Variants in VCL observed in about 807,000 individuals in gnomAD.
VCL encodes the protein epididymis luminal protein 114.
A neutral mutation model predicts 125.7 loss-of-function variants in VCL; 47 were observed. The ratio of observed to expected loss-of-function variants is 0.37; its 90% CI spans 0.30 to 0.48. The LOEUF (loss-of-function observed/expected upper bound fraction) is 0.48. Ranked by LOEUF, VCL falls within the 20% of genes least tolerant of loss-of-function variation. The probability of loss-of-function intolerance (pLI) is 0.99; values close to 1 mark genes in which losing one functional copy is unlikely to be tolerated. For synonymous variants in VCL, 458 were observed against 514.6 expected (o/e 0.89, Z 1.49); for missense variants, 1,069 against 1,455.5 (o/e 0.73, Z 4.32).
intron 2 of VCL, among the ~76,000 whole-genome samples, chr10:74,047,194 G>A (rs371550407): frequency 5.9e-5 from 9 of 152,292 alleles, no homozygotes; most frequent in African/African-American, 2.2e-4. Flanking sequence ...CACTTTGGGA[G>A]GCCGAGGTGG....
At chr10:74,000,404 C>CTTTGTTTG (rs369969980) in intron 1 of VCL, among the ~76,000 whole-genome samples, 30 of 151,444 alleles carry the variant, frequency 2.0e-4, no homozygotes, top group Non-Finnish European at 3.1e-4. Context: ...AGCTGAAGGC[C>CTTTGTTTG]TTTGTTTGTT....
chr10:74,011,447 C>T (rs1277186930), intron 1 of VCL, among the ~76,000 whole-genome samples: 1 of 152,122 alleles, frequency 6.6e-6, no homozygotes, highest in Non-Finnish European at 1.5e-5. Context: ...TAGGGTGTCT[C>T]CCTTTAGACT....
chr10:74,007,785 T>G (rs561999780), intron 1 of VCL, among the ~76,000 whole-genome samples: 2 of 151,696 alleles, frequency 1.3e-5, no homozygotes, highest in East Asian at 3.9e-4. Flanking sequence ...CATGAGCCGC[T>G]GCGCTCAGCC....
Position 74,071,137 on chromosome 10 carries a change from C to A in VCL, c.499+54C>A. On this transcript the variant is annotated intron_variant, in intron 4 of 21. Coordinates refer to ENST00000211998, the MANE Select transcript of VCL (RefSeq NM_014000.3). The surrounding 1 kb of genome is among the most constrained non-coding windows in gnomAD (Gnocchi z 4.1). ...TTTTAAGGATTGTCCATGTTGGAGC[C>A]AAAGGAAAGGGTACCCTCTTCCTAC... 1 of 1,555,984 alleles carries A rather than the reference C, an allele frequency of 6.4e-7. No individual in the cohort carries two copies. The highest frequency in any genetic ancestry group is 8.9e-7 in the Non-Finnish European group (1 of 1,128,046).
intron 1 of VCL, among the ~76,000 whole-genome samples, chr10:74,031,422 C>T (rs1349880068): frequency 7.2e-5 from 11 of 152,154 alleles, no homozygotes; most frequent in Admixed American, 2.6e-4. Context: ...AAAAAAATGA[C>T]GACCTTTTCT....
At chr10:74,042,983 G>C (rs1345501149) in intron 1 of VCL, 100 bp from the exon 2 acceptor site, 1 of 1,215,292 alleles carries the variant, frequency 8.2e-7, no homozygotes, top group African/African-American at 1.5e-5. Flanking sequence ...AAACTTTAAT[G>C]ATAGATTATG....
At chr10:74,105,974 A>G (rs1314923886) in intron 16 of VCL, among the ~76,000 whole-genome samples, 1 of 139,714 alleles carries the variant, frequency 7.2e-6, no homozygotes, top group Non-Finnish European at 1.5e-5. Flanking sequence ...CTGGAGTACA[A>G]TGGCACAATC....
chr10:74,097,165 T>C lies in VCL; in HGVS notation c.1744-39T>C, dbSNP rs757068802. The C allele has an allele frequency of 1.2e-6, 2 of 1,609,416 alleles. No homozygotes were observed. Among genetic ancestry groups the C allele is most frequent in the South Asian group, 2.2e-5 (2 of 90,704 alleles). On this transcript the variant is annotated intron_variant, in intron 12 of 21. Transcript: ENST00000211998. The surrounding 1 kb of genome is among the most constrained non-coding windows in gnomAD (Gnocchi z 4.1). ...GGCATTAGTAGATATGCTTTGAGGA[T>C]GTATCTGGACATTTTCATATGTAAA...
At chr10:74,024,833 T>A (rs985678868) in intron 1 of VCL, among the ~76,000 whole-genome samples, 1 of 152,206 alleles carries the variant, frequency 6.6e-6, no homozygotes, top group Non-Finnish European at 1.5e-5. Flanking sequence ...ACCTTCCAGC[T>A]TCTGGGAAGA....
intron 6 of VCL, among the ~76,000 whole-genome samples, chr10:74,081,163 T>C (rs562172638): frequency 6.6e-6 from 1 of 152,226 alleles, no homozygotes; most frequent in Non-Finnish European, 1.5e-5. Context: ...TTTTCATTGC[T>C]ATAGCTGAGA....
At position 74,018,201 on chromosome 10, in the gene VCL, T is replaced by A. The variant is rs530020999; in HGVS notation, c.168+19826T>A. On this transcript the variant is annotated intron_variant, in intron 1 of 21. Coordinates refer to ENST00000211998, the MANE Select transcript of VCL (RefSeq NM_014000.3). ...GGATATATATATATATATATATATATAAATACATATATATATGTGTATTAT... is the reference window on the plus strand; with the variant it reads ...GGATATATATATATATATATATATAAAAATACATATATATATGTGTATTAT... Among the ~76,000 whole-genome samples the A allele has an allele frequency of 1.0e-3, 144 of 139,784 alleles. 5 individuals are homozygous for A. Among genetic ancestry groups the A allele is most frequent in the South Asian group, 0.01 (47 of 4,580 alleles). 91.7% of individuals were successfully genotyped at this position (139,784 alleles called of 152,430 possible).
chr10:74,010,084 C>T (rs368313452), intron 1 of VCL, among the ~76,000 whole-genome samples: 25 of 152,096 alleles, frequency 1.6e-4, no homozygotes, highest in African/African-American at 6.0e-4. Context: ...GCCACACACC[C>T]AGCTAATTTT....
At chr10:74,087,333 GTTTTTCTTTTTTTTTTT>G (rs1319491712) in intron 8 of VCL, among the ~76,000 whole-genome samples, 1 of 139,544 alleles carries the variant, frequency 7.2e-6, no homozygotes, top group Non-Finnish European at 1.6e-5. Context: ...TTTTTTTTAG[GTTTTTCTTTTTTTTTTT>G]TTTTTCTTTT....
chr10:74,107,932 A>C (rs951008579), intron 17 of VCL, among the ~76,000 whole-genome samples: 4 of 152,226 alleles, frequency 2.6e-5, no homozygotes, highest in African/African-American at 9.7e-5. Flanking sequence ...TGTTGCAGAC[A>C]CAAATTCCAG....
chr10:74,099,790 CG>C (rs1187044572), intron 13 of VCL, among the ~76,000 whole-genome samples: 1 of 152,100 alleles, frequency 6.6e-6, no homozygotes, highest in African/African-American at 2.4e-5. Context: ...ACTGAGGCCA[CG>C]GGAAGGAGGC....
Position 74,111,953 on chromosome 10 carries a change from G to A in VCL, c.2790G>A (p.Glu930=). The change falls in exon 19 of 22, where the codon GAG becomes GAA. Residue 930 remains glutamate (E), a synonymous_variant. Transcript: ENST00000211998. ...AGGTGGGTATAGGTGTTGTAGCTGAGGCAGATGCGGCCGATGCTGCTGGCT... is the reference window on the plus strand; with the variant it reads ...AGGTGGGTATAGGTGTTGTAGCTGAAGCAGATGCGGCCGATGCTGCTGGCT... ...AAEVGIGVVA[E]ADAADAAGFP... 1 of 1,614,216 alleles carries A rather than the reference G, an allele frequency of 6.2e-7. No homozygotes were observed. Among genetic ancestry groups the A allele is most frequent in the Non-Finnish European group, 8.5e-7 (1 of 1,180,044 alleles).
At chr10:74,066,332 T>C (rs1007418823) in intron 2 of VCL, among the ~76,000 whole-genome samples, 5 of 152,146 alleles carry the variant, frequency 3.3e-5, no homozygotes, top group Admixed American at 6.6e-5. Flanking sequence ...GTGCTGAGAT[T>C]ACAGGCGTGA....
Position 74,071,265 on chromosome 10 carries a change from G to A in VCL, c.499+182G>A, listed in dbSNP as rs553053764. On this transcript the variant is annotated intron_variant, in intron 4 of 21. Coordinates refer to ENST00000211998, the MANE Select transcript of VCL (RefSeq NM_014000.3). The surrounding 1 kb of genome is among the most constrained non-coding windows in gnomAD (Gnocchi z 4.1). ...GGTGATGTCATTATCTCTGGTATCT[G>A]AATCTGCTTTCTATATATTGCCTTG... is the stretch of plus-strand genomic sequence containing the variant. 6.6e-6 allele frequency among the ~76,000 whole-genome samples: 1 copy of A among 152,336 alleles called. No individual in the cohort carries two copies. Among genetic ancestry groups the A allele is most frequent in the Admixed American group, 6.5e-5 (1 of 15,294 alleles).
chr10:74,086,630 T>G (rs2131904144), intron 8 of VCL, among the ~76,000 whole-genome samples: 1 of 152,348 alleles, frequency 6.6e-6, no homozygotes, highest in South Asian at 2.1e-4. Context: ...TACACAGTTG[T>G]ATGTGTTTAG....
Sources: allele counts gnomAD v4.1 joint callset (sites outside exome capture counted in the v4.1 genomes callset), GRCh38; gene constraint gnomAD v4.1.1; non-coding constraint Gnocchi (gnomAD v3.1); transcripts MANE v1.5; gene names NCBI Gene and HGNC (gene_info 2026-07-23, HGNC 2026-07-21).